CDKL2: variants seen among roughly 807,000 people sequenced by gnomAD.
CDKL2 encodes the protein cyclin dependent kinase like 2.
CDKL2 carries 64 observed loss-of-function variants against 63.9 expected under a neutral mutation model. The ratio of observed to expected loss-of-function variants is 1.00; its 90% CI spans 0.82 to 1.23. CDKL2 has a LOEUF of 1.23. Ranked by LOEUF, CDKL2 falls within the 50% of genes most tolerant of loss-of-function variation. The pLI, the probability that CDKL2 is intolerant of heterozygous loss-of-function variation, is 0.00. For missense variants in CDKL2, 656 were observed against 668.0 expected (o/e 0.98, Z 0.20); for synonymous variants, 211 against 229.2 (o/e 0.92, Z 0.72).
intron 1 of CDKL2, among the ~76,000 whole-genome samples, chr4:75,627,721 C>CTTTTCT (rs72152349): frequency 1.6e-3 from 72 of 45,228 alleles, no homozygotes; most frequent in South Asian, 3.0e-3. Flanking sequence ...TTTTTCTTTA[C>CTTTTCT]TTTTTTTTTC....
chr4:75,623,565 A>G (rs1303279874), intron 2 of CDKL2, among the ~76,000 whole-genome samples: 1 of 152,236 alleles, frequency 6.6e-6, no homozygotes, highest in Non-Finnish European at 1.5e-5. Flanking sequence ...TGTAACCACT[A>G]AAAGACAGAA....
At chr4:75,625,410 G>A (rs977071567) in intron 2 of CDKL2, among the ~76,000 whole-genome samples, 4 of 151,994 alleles carry the variant, frequency 2.6e-5, no homozygotes, top group Non-Finnish European at 5.9e-5. Context: ...AAATTTCCAG[G>A]ATACATACCA....
intron 2 of CDKL2, among the ~76,000 whole-genome samples, chr4:75,624,791 G>A (rs796777231): frequency 1.6e-4 from 25 of 152,076 alleles, no homozygotes; most frequent in African/African-American, 6.0e-4. Context: ...CCGGGAGGAG[G>A]AGGTTGTAGT....
chr4:75,590,659 G>T (rs1728680097), intron 12 of CDKL2, among the ~76,000 whole-genome samples: 1 of 152,188 alleles, frequency 6.6e-6, no homozygotes, highest in Non-Finnish European at 1.5e-5. Context: ...AGGTTGCAGT[G>T]AGCTGAGATT....
At chr4:75,587,492 T>C (rs1728525356) in intron 12 of CDKL2, among the ~76,000 whole-genome samples, 1 of 151,950 alleles carries the variant, frequency 6.6e-6, no homozygotes, top group Non-Finnish European at 1.5e-5. Flanking sequence ...AAGAGAATGC[T>C]ATGAACAACG....
chr4:75,587,346 C>T (rs1426308111), intron 12 of CDKL2, among the ~76,000 whole-genome samples: 1 of 151,848 alleles, frequency 6.6e-6, no homozygotes, highest in East Asian at 1.9e-4. Context: ...CCCAGTAACT[C>T]GGGAGGCTGA....
intron 12 of CDKL2, among the ~76,000 whole-genome samples, chr4:75,590,445 T>C (rs34008729): frequency 0.4 from 60,994 of 152,128 alleles, 12,983 homozygotes; most frequent in African/African-American, 0.51. Flanking sequence ...CTGGGGGCAA[T>C]GCCTCATGCC....
intron 13 of CDKL2, among the ~76,000 whole-genome samples, chr4:75,581,498 G>A (rs1728259186): frequency 6.6e-6 from 1 of 152,154 alleles, no homozygotes; most frequent in Non-Finnish European, 1.5e-5. Context: ...AGGCCCACAG[G>A]GCAAATGACT....
chr4:75,598,422 C>T (rs911908844), intron 7 of CDKL2, among the ~76,000 whole-genome samples: 1 of 151,800 alleles, frequency 6.6e-6, no homozygotes, highest in African/African-American at 2.4e-5. Flanking sequence ...TTCACAAAGT[C>T]AATGCTATTA....
chr4:75,624,414 T>C (rs926579305), intron 2 of CDKL2, among the ~76,000 whole-genome samples: 1 of 151,936 alleles, frequency 6.6e-6, no homozygotes, highest in Non-Finnish European at 1.5e-5. Context: ...TAGCCAGGCA[T>C]AGCGGCACAC....
Position 75,607,289 on chromosome 4 carries a change from CA to C in CDKL2, c.435del (p.Phe145LeufsTer48), listed in dbSNP as rs760631396. 1 of 1,614,024 alleles carries C rather than the reference CA, an allele frequency of 6.2e-7. No individual in the cohort carries two copies. The highest frequency in any genetic ancestry group is 1.1e-5 in the South Asian group (1 of 91,060). ...SQSGVVKLCD[F>X]GFARTLAAPG... ...GGAGCTGCCAATGTTCGCGCAAATC[CA>C]AAATCGCATAGCTTGACAACGCCAG... On this transcript the variant is annotated frameshift_variant, in exon 4 of 14. Coordinates refer to ENST00000307465, the MANE Select transcript of CDKL2 (RefSeq NM_001330724.2). LOFTEE classifies it high-confidence loss of function.
intron 12 of CDKL2, among the ~76,000 whole-genome samples, chr4:75,586,745 G>C (rs1728498119): frequency 6.6e-6 from 1 of 152,110 alleles, no homozygotes; most frequent in African/African-American, 2.4e-5. Flanking sequence ...TAGAATTAAA[G>C]GTATCTTTGT....
chr4:75,614,528 A>T, intron 2 of CDKL2, 79 bp from the exon 3 acceptor site: 1 of 852,518 alleles, frequency 1.2e-6, no homozygotes, highest in Admixed American at 2.6e-5. Flanking sequence ...ATTATTAGCA[A>T]TTAATTATTT....
chr4:75,602,761 TG>T (rs1729251611), intron 6 of CDKL2, among the ~76,000 whole-genome samples: 1 of 152,024 alleles, frequency 6.6e-6, no homozygotes, highest in South Asian at 2.1e-4. Flanking sequence ...TGACTTCAAG[TG>T]ATCCACCGGC....
intron 6 of CDKL2, among the ~76,000 whole-genome samples, chr4:75,603,051 C>CTGCAG (rs1729268112): frequency 7.7e-6 from 1 of 130,702 alleles, no homozygotes; most frequent in Non-Finnish European, 1.5e-5. Context: ...GGACTGCGGA[C>CTGCAG]TGCAGTGGCA....
intron 6 of CDKL2, 111 bp downstream of exon 6, chr4:75,603,706 C>G (rs143881212): frequency 1.4e-6 from 1 of 734,140 alleles, no homozygotes; most frequent in Admixed American, 3.5e-5. Context: ...CAGAGCAAGA[C>G]TCCATCAAAA....
intron 12 of CDKL2, among the ~76,000 whole-genome samples, chr4:75,585,727 C>T (rs1560572398): frequency 6.6e-6 from 1 of 151,920 alleles, no homozygotes; most frequent in Non-Finnish European, 1.5e-5. Flanking sequence ...TCAAGACCAG[C>T]GTGGGCAACA....
intron 8 of CDKL2, 41 bp downstream of exon 8, chr4:75,598,036 A>T: frequency 7.9e-7 from 1 of 1,263,224 alleles, no homozygotes; most frequent in Non-Finnish European, 1.1e-6. Context: ...ATTTAAAAAA[A>T]TAAGTATATT....
At chr4:75,602,379 C>T (rs921175387) in intron 6 of CDKL2, among the ~76,000 whole-genome samples, 5 of 152,090 alleles carry the variant, frequency 3.3e-5, no homozygotes, top group African/African-American at 1.2e-4. Context: ...GGGGTTTCAC[C>T]ATCTTGGCCA....
Sources: gnomAD v4.1 joint callset for allele counts (sites outside exome capture counted in the v4.1 genomes callset) on GRCh38, gnomAD v4.1.1 for gene constraint, MANE v1.5 for transcripts, NCBI Gene and HGNC (gene_info 2026-07-23, HGNC 2026-07-21) for gene names.